BLTP3A: variants seen among roughly 807,000 people sequenced by gnomAD.
The protein encoded by BLTP3A is ICBP90 binding protein 1.
chr6:34,858,641 C>G, the BLTP3A span: 1 of 1,614,228 alleles, frequency 6.2e-7, no homozygotes, highest in East Asian at 2.2e-5. Flanking sequence ...CCTGTCCAGT[C>G]TGAGGCTCTT....
At chr6:34,829,984 T>C in the BLTP3A span, among the ~76,000 whole-genome samples, 47 of 151,888 alleles carry the variant, frequency 3.1e-4, 2 homozygotes, top group Non-Finnish European at 1.5e-5. Flanking sequence ...TTTTTGTGTG[T>C]GTGTGTTTTT....
chr6:34,859,330 T>C, the BLTP3A span: 25 of 1,613,874 alleles, frequency 1.5e-5, no homozygotes, highest in Non-Finnish European at 1.9e-5. Flanking sequence ...ACCAGCTGCA[T>C]TGAAGCCCCC....
chr6:34,868,446 G>T, the BLTP3A span, among the ~76,000 whole-genome samples: 1 of 151,776 alleles, frequency 6.6e-6, no homozygotes, highest in African/African-American at 2.4e-5. Flanking sequence ...ATACAGGCTG[G>T]GTGTGGTGGC....
At chr6:34,847,374 G>A in the BLTP3A span, among the ~76,000 whole-genome samples, 6 of 152,060 alleles carry the variant, frequency 3.9e-5, no homozygotes, top group Non-Finnish European at 5.9e-5. Context: ...AATTTGAATA[G>A]GATAGGTATT....
At chr6:34,828,280 G>A in the BLTP3A span, among the ~76,000 whole-genome samples, 443 of 151,676 alleles carry the variant, frequency 2.9e-3, 5 homozygotes, top group Non-Finnish European at 5.6e-4. Flanking sequence ...GTGAAACCCC[G>A]TCTCTACTAA....
chr6:34,799,904 C>CT, the BLTP3A span, among the ~76,000 whole-genome samples: 47 of 146,418 alleles, frequency 3.2e-4, no homozygotes, highest in Admixed American at 4.1e-4. Context: ...GGAGATAGTA[C>CT]TTTTTTTTTT....
At chr6:34,867,747 G>C in the BLTP3A span, 62 of 1,252,710 alleles carry the variant, frequency 4.9e-5, no homozygotes, top group South Asian at 9.9e-4. Flanking sequence ...CAGCCATTAG[G>C]GGGAGGAAAA....
the BLTP3A span, among the ~76,000 whole-genome samples, chr6:34,802,060 A>G: frequency 1.3e-5 from 2 of 152,078 alleles, no homozygotes; most frequent in Non-Finnish European, 2.9e-5. Flanking sequence ...ACTATAGTGA[A>G]TATTTTAGGA....
the BLTP3A span, among the ~76,000 whole-genome samples, chr6:34,820,544 A>G: frequency 4.6e-5 from 7 of 151,936 alleles, no homozygotes; most frequent in East Asian, 3.9e-4. Flanking sequence ...GGACAGCTGG[A>G]TAGCACTTAT....
At chr6:34,854,340 TTTAA>T in the BLTP3A span, among the ~76,000 whole-genome samples, 15 of 152,282 alleles carry the variant, frequency 9.9e-5, no homozygotes, top group Middle Eastern at 3.4e-3. Context: ...CATTTGCATA[TTTAA>T]TTTGAGACAT....
the BLTP3A span, among the ~76,000 whole-genome samples, chr6:34,816,205 A>G: frequency 6.6e-6 from 1 of 152,344 alleles, no homozygotes; most frequent in East Asian, 1.9e-4. Flanking sequence ...AGTGCTAGCT[A>G]ACAGTATAAC....
At chr6:34,827,821 G>A in the BLTP3A span, among the ~76,000 whole-genome samples, 1,290 of 151,990 alleles carry the variant, frequency 8.5e-3, 20 homozygotes, top group African/African-American at 0.027. Flanking sequence ...TAGTAAGGAC[G>A]GGGTTTCACC....
chr6:34,823,248 C>G, the BLTP3A span: 2 of 1,611,822 alleles, frequency 1.2e-6, no homozygotes, highest in African/African-American at 2.7e-5. Flanking sequence ...TCCTTGACTT[C>G]TATTTCAGTG....
chr6:34,865,987 G>A, the BLTP3A span, among the ~76,000 whole-genome samples: 91 of 152,224 alleles, frequency 6.0e-4, no homozygotes, highest in Middle Eastern at 3.4e-3. Flanking sequence ...AAGGTGGGCG[G>A]ATCACTTAAG....
At chr6:34,870,078 C>A in the BLTP3A span, among the ~76,000 whole-genome samples, 1 of 152,100 alleles carries the variant, frequency 6.6e-6, no homozygotes, top group Non-Finnish European at 1.5e-5. Flanking sequence ...TTCCATGACC[C>A]CCAAAATATC....
At chr6:34,861,698 A>G in the BLTP3A span, among the ~76,000 whole-genome samples, 1 of 152,150 alleles carries the variant, frequency 6.6e-6, no homozygotes, top group Admixed American at 6.5e-5. Context: ...TTATTCACTC[A>G]ATGTTTTATT....
chr6:34,865,795 A>G, the BLTP3A span, among the ~76,000 whole-genome samples: 1 of 152,224 alleles, frequency 6.6e-6, no homozygotes, highest in Non-Finnish European at 1.5e-5. Flanking sequence ...GCTGGGTGGC[A>G]TGTACCATGT....
the BLTP3A span, chr6:34,870,750 A>G: frequency 2.9e-6 from 4 of 1,402,312 alleles, no homozygotes; most frequent in South Asian, 2.8e-5. Flanking sequence ...GATGAGAATG[A>G]TGATATTCCT....
chr6:34,804,009 C>A, the BLTP3A span, among the ~76,000 whole-genome samples: 1 of 151,990 alleles, frequency 6.6e-6, no homozygotes, highest in Non-Finnish European at 1.5e-5. Context: ...GTCTTCACAG[C>A]GGCTGATACG....
Sources: allele counts gnomAD v4.1 joint callset (sites outside exome capture counted in the v4.1 genomes callset), GRCh38; gene constraint gnomAD v4.1.1; transcripts MANE v1.5; gene names NCBI Gene and HGNC (gene_info 2026-07-23, HGNC 2026-07-21).